The following RSU1 variants were observed in gnomAD, a reference collection of about 807,000 sequenced individuals.
The protein encoded by RSU1 is Ras suppressor protein 1.
RSU1 carries 26 observed loss-of-function variants against 31.1 expected under a neutral mutation model. The observed-to-expected ratio is 0.84, with a 90% CI of 0.61 to 1.16. The LOEUF (loss-of-function observed/expected upper bound fraction) is 1.16. RSU1 is among the 50% of genes most tolerant of loss of function. The pLI, the probability that RSU1 is intolerant of heterozygous loss-of-function variation, is 0.00. For synonymous variants in RSU1, 164 were observed against 136.3 expected (o/e 1.20, Z -1.41); for missense variants, 320 against 339.1 (o/e 0.94, Z 0.44).
chr10:16,652,642 A>C (rs1834707876), intron 8 of RSU1, among the ~76,000 whole-genome samples: 1 of 152,170 alleles, frequency 6.6e-6, no homozygotes, highest in South Asian at 2.1e-4. Flanking sequence ...GCAAATGTAT[A>C]AGTTTATTTG....
intron 8 of RSU1, among the ~76,000 whole-genome samples, chr10:16,672,846 C>T (rs1835137532): frequency 6.6e-6 from 1 of 152,134 alleles, no homozygotes; most frequent in Non-Finnish European, 1.5e-5. Flanking sequence ...TTATCAAATG[C>T]ATCAAACTGT....
Position 16,727,271 on chromosome 10 carries a change from G to T in RSU1, c.598+25268C>A, listed in dbSNP as rs116380336. 496 of 362,626 alleles carry T rather than the reference G, an allele frequency of 1.4e-3. 4 individuals carry two copies. Among genetic ancestry groups the T allele is most frequent in the African/African-American group, 9.7e-3 (462 of 47,522 alleles). The allele number at this position is 362,626 out of a possible 1,614,324, so 22.5% of individuals were successfully genotyped here. On this transcript the variant is annotated intron_variant, in intron 7 of 8. Coordinates refer to ENST00000345264, the MANE Select transcript of RSU1 (RefSeq NM_012425.4). Reference sequence around the variant, plus strand: ...ATTTCACAGAGGAGATAACTTGATTGGAGGCAAATGGACACAAATCCTCCC... The same window carrying T: ...ATTTCACAGAGGAGATAACTTGATTTGAGGCAAATGGACACAAATCCTCCC...
intron 5 of RSU1, 57 bp downstream of exon 5, chr10:16,754,814 C>A: frequency 1.9e-6 from 2 of 1,050,644 alleles, no homozygotes; most frequent in Admixed American, 2.3e-5. Context: ...AATAAATTTC[C>A]CTCTCAGAAC....
intron 4 of RSU1, among the ~76,000 whole-genome samples, chr10:16,758,949 T>G (rs2131626173): frequency 6.6e-6 from 1 of 152,292 alleles, no homozygotes; most frequent in Non-Finnish European, 1.5e-5. Flanking sequence ...ATTTTTCAAA[T>G]GCGTGTTGGA....
chr10:16,656,926 T>C (rs10795409), intron 8 of RSU1, among the ~76,000 whole-genome samples: 46,249 of 152,052 alleles, frequency 0.3, 7,175 homozygotes, highest in African/African-American at 0.34. Flanking sequence ...CTGTCAGTGT[T>C]TTCCAGTACA....
chr10:16,692,358 TA>T (rs1229711762), intron 8 of RSU1, among the ~76,000 whole-genome samples: 3 of 152,204 alleles, frequency 2.0e-5, no homozygotes, highest in Non-Finnish European at 2.9e-5. Context: ...TTTAATCTTT[TA>T]AAATTAAAAG....
chr10:16,764,404 T>C lies in RSU1; in HGVS notation c.267A>G (p.Lys89=), dbSNP rs1411134233. The C allele has an allele frequency of 1.9e-6, 3 of 1,613,206 alleles. No individual in the cohort carries two copies. The African/African-American group carries it at 4.0e-5, about 22-fold the overall frequency. Residue 89 remains lysine (K), a synonymous_variant, in exon 4 of 9, where the codon AAA becomes AAG. Coordinates refer to ENST00000345264, the MANE Select transcript of RSU1 (RefSeq NM_012425.4). Reference sequence around the variant, plus strand: ...CTGATACTCACCCAAGGTTCAGGTGTTTGAGTTTCTGAAGGCTACTGATCT... The same window carrying C: ...CTGATACTCACCCAAGGTTCAGGTGCTTGAGTTTCTGAAGGCTACTGATCT... ...PTQISSLQKL[K]HLNLGMNRLN...
chr10:16,708,161 A>G (rs1835942832), intron 7 of RSU1, among the ~76,000 whole-genome samples: 1 of 152,176 alleles, frequency 6.6e-6, no homozygotes, highest in Non-Finnish European at 1.5e-5. Flanking sequence ...ACTTCCCCCA[A>G]AAAACTATTA....
intron 7 of RSU1, among the ~76,000 whole-genome samples, chr10:16,721,930 A>G (rs972850643): frequency 3.3e-5 from 5 of 152,228 alleles, no homozygotes; most frequent in African/African-American, 1.2e-4. Flanking sequence ...AGCCGGCTAC[A>G]TAGCAAGTAC....
chr10:16,634,906 A>G (rs1292529958), intron 8 of RSU1, among the ~76,000 whole-genome samples: 1 of 152,186 alleles, frequency 6.6e-6, no homozygotes, highest in Non-Finnish European at 1.5e-5. Flanking sequence ...TCTACTTTTC[A>G]TTTATTATAG....
chr10:16,674,892 G>A (rs1264173037), intron 8 of RSU1, among the ~76,000 whole-genome samples: 3 of 152,074 alleles, frequency 2.0e-5, no homozygotes, highest in Non-Finnish European at 2.9e-5. Context: ...GATTAGCCAG[G>A]CGTGGTGGCA....
At chr10:16,622,985 T>TACA (rs1834095750) in intron 8 of RSU1, among the ~76,000 whole-genome samples, 1 of 152,204 alleles carries the variant, frequency 6.6e-6, no homozygotes, top group African/African-American at 2.4e-5. Context: ...AAAACTGTAA[T>TACA]AATTAACACA....
At chr10:16,749,506 A>G (rs1184030083) in intron 7 of RSU1, among the ~76,000 whole-genome samples, 1 of 152,132 alleles carries the variant, frequency 6.6e-6, no homozygotes, top group African/African-American at 2.4e-5. Flanking sequence ...CACACTTTAA[A>G]ACACCCCCAG....
At chr10:16,670,392 C>T (rs1274176350) in intron 8 of RSU1, among the ~76,000 whole-genome samples, 2 of 152,188 alleles carry the variant, frequency 1.3e-5, no homozygotes, top group African/African-American at 4.8e-5. Context: ...GCTAGCAATG[C>T]ATACCCACAG....
intron 7 of RSU1, among the ~76,000 whole-genome samples, chr10:16,738,407 C>T (rs140571465): frequency 2.6e-5 from 4 of 152,154 alleles, no homozygotes; most frequent in South Asian, 4.1e-4. Flanking sequence ...GCCGAGATAG[C>T]GCCACTGGAC....
rs1016065893 is a variant in RSU1 at position 16,590,852 on chromosome 10, A to T, written c.*2542T>A. The T allele has an allele frequency of 3.9e-5, 6 of 152,190 alleles. No individual in the cohort carries two copies. The highest frequency in any genetic ancestry group is 1.4e-4 in the African/African-American group (6 of 41,460). 9.4% of individuals were successfully genotyped at this position (152,190 alleles called of 1,614,324 possible). On this transcript the variant is annotated 3_prime_UTR_variant, in exon 9 of 9. Coordinates refer to ENST00000345264, the MANE Select transcript of RSU1 (RefSeq NM_012425.4). ...ACCATCCTTATATAGTTAGTTTTAA[A>T]AATCTTGCTTTTTCTGTTTAATCAG... is the stretch of plus-strand genomic sequence containing the variant.
At chr10:16,634,295 C>T (rs1398025344) in intron 8 of RSU1, among the ~76,000 whole-genome samples, 3 of 152,214 alleles carry the variant, frequency 2.0e-5, no homozygotes, top group African/African-American at 4.8e-5. Flanking sequence ...AAAACACTTG[C>T]CCAGCAGTAC....
chr10:16,771,860 G>T (rs1016547335), intron 3 of RSU1, among the ~76,000 whole-genome samples: 2 of 152,200 alleles, frequency 1.3e-5, no homozygotes, highest in African/African-American at 4.8e-5. Context: ...CATTTAAAAG[G>T]TTCTACATGT....
chr10:16,753,833 C>G (rs1002876137), intron 5 of RSU1, among the ~76,000 whole-genome samples: 3 of 152,110 alleles, frequency 2.0e-5, no homozygotes, highest in African/African-American at 7.2e-5. Flanking sequence ...CAGTGGGTCA[C>G]TGCAGCCTCA....
Sources: allele counts gnomAD v4.1 joint callset (sites outside exome capture counted in the v4.1 genomes callset), GRCh38; gene constraint gnomAD v4.1.1; transcripts MANE v1.5; gene names NCBI Gene and HGNC (gene_info 2026-07-23, HGNC 2026-07-21).